The following CFHR2 variants were observed in gnomAD, a reference collection of about 807,000 sequenced individuals.
The protein encoded by CFHR2 is complement factor H-related protein 2.
CFHR2 carries 22 observed loss-of-function variants against 21.7 expected under a neutral mutation model. The ratio of observed to expected loss-of-function variants is 1.01; its 90% CI spans 0.72 to 1.45. The LOEUF is 1.45. Ranked by LOEUF, CFHR2 falls within the 40% of genes most tolerant of loss-of-function variation. The probability of loss-of-function intolerance (pLI) is 0.00; values close to 1 mark genes in which losing one functional copy is unlikely to be tolerated. For missense variants in CFHR2, 294 were observed against 293.3 expected (o/e 1.00, Z -0.02); for synonymous variants, 98 against 97.4 (o/e 1.01, Z -0.04).
At chr1:196,948,283 A>AT (rs71286569) in intron 1 of CFHR2, among the ~76,000 whole-genome samples, 15,500 of 151,516 alleles carry the variant, frequency 0.1, 847 homozygotes, top group South Asian at 0.14. Context: ...TTTTATTTTA[A>AT]TTTTTTTTGA....
At chr1:196,957,345 C>T (rs200969246) in intron 3 of CFHR2, among the ~76,000 whole-genome samples, 12 of 140,076 alleles carry the variant, frequency 8.6e-5, no homozygotes, top group African/African-American at 2.6e-4. Context: ...TGTTCTTTTC[C>T]TTTTTTTTTT....
rs559453642 is a variant in CFHR2, at chr1:196,946,748, G to A, written c.59-2707G>A. Among the ~76,000 whole-genome samples, 3 of 152,268 alleles carry A rather than the reference G, an allele frequency of 2.0e-5. 1 individual carries two copies. The East Asian group carries it at 5.8e-4, about 29-fold the overall frequency. On this transcript the variant is annotated intron_variant, in intron 1 of 4. Coordinates refer to ENST00000367415, the MANE Select transcript of CFHR2 (RefSeq NM_005666.4). ...GTTTCTTCTGGAATAGTTCCTGAAG[G>A]ATCTGCCTCAGGAAACATTAACCGT...
chr1:196,952,950 A>T (rs1652678198), intron 3 of CFHR2, among the ~76,000 whole-genome samples: 1 of 152,238 alleles, frequency 6.6e-6, no homozygotes, highest in Non-Finnish European at 1.5e-5. Flanking sequence ...TTATCAGAGT[A>T]GATGGAGGAA....
intron 3 of CFHR2, among the ~76,000 whole-genome samples, chr1:196,953,643 C>A (rs1652739850): frequency 6.6e-6 from 1 of 152,002 alleles, no homozygotes; most frequent in Non-Finnish European, 1.5e-5. Context: ...AGATGATAAT[C>A]AATAAAGAAT....
At chr1:196,953,091 G>GT (rs1355395685) in intron 3 of CFHR2, among the ~76,000 whole-genome samples, 1 of 152,090 alleles carries the variant, frequency 6.6e-6, no homozygotes, top group Non-Finnish European at 1.5e-5. Context: ...TGCACAGTCT[G>GT]TTTTTTCATG....
intron 1 of CFHR2, among the ~76,000 whole-genome samples, chr1:196,945,296 A>G (rs2125001144): frequency 6.7e-6 from 1 of 148,264 alleles, no homozygotes; most frequent in South Asian, 2.2e-4. Flanking sequence ...TAAGTGGCTT[A>G]TACACCTATT....
chr1:196,948,791 G>A (rs1659616174), intron 1 of CFHR2, among the ~76,000 whole-genome samples: 1 of 151,942 alleles, frequency 6.6e-6, no homozygotes, highest in South Asian at 2.1e-4. Context: ...GTGTATACAA[G>A]TATAAATATA....
Position 196,954,662 on chromosome 1 carries a change from G to T in CFHR2, c.431-3229G>T, listed in dbSNP as rs1171825220. ...TACAACCTCAGAAATCCAGGAAGAG[G>T]TTCCCACCTGGAACCAAAAAAAAAC... is the stretch of plus-strand genomic sequence containing the variant. On this transcript the variant is annotated intron_variant, in intron 3 of 4. Transcript: ENST00000367415. Among the ~76,000 whole-genome samples the T allele has an allele frequency of 3.5e-5, 5 of 143,670 alleles. No individual in the cohort carries two copies. In the East Asian group the frequency reaches 9.8e-4, roughly 28 times the overall value. 94.3% of individuals were successfully genotyped at this position (143,670 alleles called of 152,430 possible). A position where few individuals can be genotyped will look rare whatever the true frequency, so the allele number is the denominator to read the frequency against.
intron 1 of CFHR2, among the ~76,000 whole-genome samples, chr1:196,947,458 A>G (rs1321060430): frequency 7.9e-5 from 12 of 152,200 alleles, no homozygotes; most frequent in South Asian, 4.1e-4. Flanking sequence ...TAACTAAAAG[A>G]GTTATGGTAG....
At chr1:196,945,495 A>G (rs1342614089) in intron 1 of CFHR2, among the ~76,000 whole-genome samples, 77 of 99,914 alleles carry the variant, frequency 7.7e-4, no homozygotes, top group East Asian at 1.6e-3. Context: ...TAGATGTTAA[A>G]TGATCTGTAA....
At position 196,949,445 on chromosome 1, in the gene CFHR2, A is replaced by G; in HGVS notation, c.59-10A>G. 1 of 1,605,860 alleles carries G rather than the reference A, an allele frequency of 6.2e-7. No individual in the cohort carries two copies. The highest frequency in any genetic ancestry group is 8.5e-7 in the Non-Finnish European group (1 of 1,174,414). ...TTATGTAATTCTTCAGTTTTGTGTT[A>G]TTTTCCCAGCAATGTTCTGTGATTT... On this transcript the variant is annotated splice_polypyrimidine_tract_variant and intron_variant, in intron 1 of 4. Coordinates refer to ENST00000367415, the MANE Select transcript of CFHR2 (RefSeq NM_005666.4).
intron 1 of CFHR2, among the ~76,000 whole-genome samples, chr1:196,946,045 A>C (rs183261343): frequency 1.3e-5 from 2 of 152,010 alleles, no homozygotes; most frequent in Non-Finnish European, 2.9e-5. Context: ...GTTTATCTCA[A>C]TATAGCAAAG....
chr1:196,956,540 A>G (rs74430141), intron 3 of CFHR2, among the ~76,000 whole-genome samples: 1 of 151,978 alleles, frequency 6.6e-6, no homozygotes, highest in Non-Finnish European at 1.5e-5. Flanking sequence ...AGCTCAGTTC[A>G]GCTTTCTGTT....
intron 3 of CFHR2, among the ~76,000 whole-genome samples, chr1:196,951,407 A>G (rs1217203844): frequency 6.6e-6 from 1 of 152,216 alleles, no homozygotes; most frequent in Non-Finnish European, 1.5e-5. Flanking sequence ...GACAGCATTT[A>G]ATATTTATCT....
In CFHR2 at chr1:196,959,373, T is replaced by C. The variant is rs1277670731; in HGVS notation, c.*293T>C. 7.4e-6 allele frequency: 2 copies of C among 269,204 alleles called. No homozygotes were observed. The highest frequency in any genetic ancestry group is 1.4e-5 in the Non-Finnish European group (2 of 142,434). The allele number at this position is 269,204 out of a possible 1,614,324, so 16.7% of individuals were successfully genotyped here. A position where few individuals can be genotyped will look rare whatever the true frequency, so the allele number is the denominator to read the frequency against. On this transcript the variant is annotated 3_prime_UTR_variant, in exon 5 of 5. Transcript: ENST00000367415. ...GTAATGTTTCCATATATATAATGTATAATGGTCAGTTAGGGTAATTAGTAT... is the reference window on the plus strand; with the variant it reads ...GTAATGTTTCCATATATATAATGTACAATGGTCAGTTAGGGTAATTAGTAT...
chr1:196,949,858 C>G (rs1277570996), intron 2 of CFHR2, among the ~76,000 whole-genome samples: 1 of 152,200 alleles, frequency 6.6e-6, no homozygotes, highest in Non-Finnish European at 1.5e-5. Flanking sequence ...CGGAAATTCT[C>G]TACATGTTGA....
chr1:196,950,753 T>G lies in CFHR2; in HGVS notation c.254-99T>G, dbSNP rs143676975. 1.3e-3 allele frequency: 1,802 copies of G among 1,373,124 alleles called. 21 individuals are homozygous for G. In the African/African-American group the frequency reaches 0.023, roughly 18 times the overall value. The allele number at this position is 1,373,124 out of a possible 1,614,324, so 85.1% of individuals were successfully genotyped here. On this transcript the variant is annotated intron_variant, in intron 2 of 4. Transcript: ENST00000367415. Reference sequence around the variant, plus strand: ...CTCCCAAAGTGCAGGGATTACCAGCTTGAGCCACTTCACCCTATTTATTAA... The same window carrying G: ...CTCCCAAAGTGCAGGGATTACCAGCGTGAGCCACTTCACCCTATTTATTAA...
At chr1:196,956,322 A>G (rs909910762) in intron 3 of CFHR2, among the ~76,000 whole-genome samples, 5 of 152,236 alleles carry the variant, frequency 3.3e-5, no homozygotes, top group African/African-American at 9.7e-5. Flanking sequence ...TAATGTAATT[A>G]AGTCAAAATA....
At chr1:196,954,943 A>G (rs952981755) in intron 3 of CFHR2, among the ~76,000 whole-genome samples, 3 of 152,228 alleles carry the variant, frequency 2.0e-5, no homozygotes, top group Non-Finnish European at 2.9e-5. Flanking sequence ...AAGATCTCTG[A>G]CATGTCCTGG....
Sources: allele counts gnomAD v4.1 joint callset (sites outside exome capture counted in the v4.1 genomes callset), GRCh38; gene constraint gnomAD v4.1.1; transcripts MANE v1.5; gene names NCBI Gene and HGNC (gene_info 2026-07-23, HGNC 2026-07-21).